The following LRP1B variants were observed in gnomAD, a reference collection of about 807,000 sequenced individuals.
LRP1B encodes LDL receptor related protein 1B, also known as low-density lipoprotein receptor-related protein 1B.
LRP1B carries 217 observed loss-of-function variants against 556.6 expected under a neutral mutation model. The observed-to-expected ratio is 0.39, with a 90% CI of 0.35 to 0.44. The LOEUF is 0.44. LRP1B is among the 20% of genes least tolerant of loss of function. The pLI is 1.00. For synonymous variants in LRP1B, 2,047 were observed against 1,865.8 expected (o/e 1.10, Z -2.50); for missense variants, 5,053 against 5,620.8 (o/e 0.90, Z 3.23).
chr2:142,069,311 TCTC>T (rs1419705643), intron 1 of LRP1B, among the ~76,000 whole-genome samples: 1 of 151,638 alleles, frequency 6.6e-6, no homozygotes, highest in Non-Finnish European at 1.5e-5. Flanking sequence ...ATAGGGTAGC[TCTC>T]CTAATATTAG....
At chr2:140,329,970 C>T (rs1010426058) in intron 79 of LRP1B, among the ~76,000 whole-genome samples, 8 of 151,728 alleles carry the variant, frequency 5.3e-5, no homozygotes, top group East Asian at 1.9e-4. Context: ...GAGGCTGAGG[C>T]GGGTTGATCG....
At chr2:141,290,618 C>A (rs1428621568) in intron 3 of LRP1B, among the ~76,000 whole-genome samples, 1 of 152,060 alleles carries the variant, frequency 6.6e-6, no homozygotes, top group South Asian at 2.1e-4. Context: ...TTCCTAATAC[C>A]TGACTTAATT....
intron 7 of LRP1B, among the ~76,000 whole-genome samples, chr2:141,091,785 C>T (rs1700177760): frequency 6.6e-6 from 1 of 152,156 alleles, no homozygotes; most frequent in South Asian, 2.1e-4. Context: ...AAATGTCAGA[C>T]AATAAACAAT....
intron 2 of LRP1B, among the ~76,000 whole-genome samples, chr2:141,803,847 T>C (rs1490978356): frequency 6.6e-6 from 1 of 152,182 alleles, no homozygotes; most frequent in African/African-American, 2.4e-5. Flanking sequence ...TTCTATCTTA[T>C]ATCCAAGGGG....
intron 23 of LRP1B, among the ~76,000 whole-genome samples, chr2:140,892,521 A>G (rs1693827519): frequency 6.6e-6 from 1 of 152,162 alleles, no homozygotes; most frequent in Non-Finnish European, 1.5e-5. Context: ...TAGGGAGAAA[A>G]TGACAGAGTG....
rs1318542992 is a variant in LRP1B, at chr2:140,358,838, T to C, written c.11240A>G (p.Asp3747Gly). 6.2e-7 allele frequency: 1 copy of C among 1,608,608 alleles called. No individual in the cohort carries two copies. The highest frequency in any genetic ancestry group is 1.1e-5 in the South Asian group (1 of 90,924). Residue 3747 changes from aspartate to glycine, a missense_variant, in exon 73 of 91, where the codon GAT becomes GGT. By Grantham distance (94) the Asp-to-Gly change is moderately conservative. Coordinates refer to ENST00000389484, the MANE Select transcript of LRP1B (RefSeq NM_018557.3). The stretch of plus-strand genomic sequence containing the variant: ...GCATTTACCACCACAGTGATCTTCA[T>C]CTGAATTGTCACCGCATTCATCAAT... ...NGIDECGDNS[D>G]EDHCGGKLTY... is the part of the protein sequence containing the mutation.
At chr2:141,383,595 A>G (rs1295856407) in intron 3 of LRP1B, among the ~76,000 whole-genome samples, 1 of 152,206 alleles carries the variant, frequency 6.6e-6, no homozygotes, top group African/African-American at 2.4e-5. Context: ...ATGCCTCAGT[A>G]TACCCAAAAC....
At chr2:140,358,558 G>A (rs568330098) in intron 73 of LRP1B, among the ~76,000 whole-genome samples, 7 of 151,646 alleles carry the variant, frequency 4.6e-5, no homozygotes, top group Non-Finnish European at 1.0e-4. Context: ...TAAACAAGGA[G>A]CATTTAAAAA....
At chr2:141,308,027 G>A (rs1225870774) in intron 3 of LRP1B, among the ~76,000 whole-genome samples, 1 of 152,128 alleles carries the variant, frequency 6.6e-6, no homozygotes, top group Non-Finnish European at 1.5e-5. Context: ...GCAGCAGGTT[G>A]GATGTGCTAC....
chr2:141,022,665 C>T (rs941450009), intron 11 of LRP1B, among the ~76,000 whole-genome samples: 2 of 151,992 alleles, frequency 1.3e-5, no homozygotes, highest in Non-Finnish European at 2.9e-5. Flanking sequence ...TTAAACAGAT[C>T]AGGGACACAT....
intron 45 of LRP1B, among the ~76,000 whole-genome samples, chr2:140,537,510 T>C (rs16844186): frequency 0.031 from 4,768 of 152,072 alleles, 90 homozygotes; most frequent in African/African-American, 0.054. Flanking sequence ...TTAAAATAAG[T>C]CACTTGTCCC....
intron 1 of LRP1B, among the ~76,000 whole-genome samples, chr2:141,947,393 C>T (rs1049714635): frequency 1.6e-4 from 24 of 151,734 alleles, no homozygotes; most frequent in Non-Finnish European, 2.9e-4. Context: ...GCAGAGATCA[C>T]GCCACTGCAC....
chr2:140,872,857 A>C (rs537233126), intron 25 of LRP1B, among the ~76,000 whole-genome samples: 21 of 152,226 alleles, frequency 1.4e-4, no homozygotes, highest in Middle Eastern at 3.4e-3. Flanking sequence ...ACAAGAAAAA[A>C]AAAAGGTCTT....
At chr2:141,536,131 G>A (rs1035204877) in intron 2 of LRP1B, among the ~76,000 whole-genome samples, 4 of 151,894 alleles carry the variant, frequency 2.6e-5, no homozygotes, top group African/African-American at 7.2e-5. Flanking sequence ...ATCCAAAAGC[G>A]CAACACTTTA....
chr2:140,695,607 A>T (rs1686403324), intron 41 of LRP1B, among the ~76,000 whole-genome samples: 1 of 152,104 alleles, frequency 6.6e-6, no homozygotes, highest in Non-Finnish European at 1.5e-5. Flanking sequence ...GCTTTTTGAG[A>T]TTAGCTATCT....
intron 35 of LRP1B, among the ~76,000 whole-genome samples, chr2:140,734,232 T>C (rs1687872880): frequency 6.6e-6 from 1 of 152,124 alleles, no homozygotes; most frequent in East Asian, 1.9e-4. Flanking sequence ...GAAATGCACA[T>C]GAATAACTAT....
chr2:140,534,177 A>T, intron 46 of LRP1B, 37 bp from the exon 47 acceptor site: 1 of 1,563,370 alleles, frequency 6.4e-7, no homozygotes, highest in Non-Finnish European at 8.7e-7. Flanking sequence ...ACCAGAGATC[A>T]TATAGAAATA....
At chr2:141,084,155 TTTA>T (rs1699990971) in intron 7 of LRP1B, among the ~76,000 whole-genome samples, 1 of 152,324 alleles carries the variant, frequency 6.6e-6, no homozygotes, top group Admixed American at 6.5e-5. Flanking sequence ...AAAAAATGTT[TTTA>T]TTATTATTAA....
At chr2:141,647,928 T>A (rs1574191414) in intron 2 of LRP1B, among the ~76,000 whole-genome samples, 1 of 151,684 alleles carries the variant, frequency 6.6e-6, no homozygotes. Context: ...AACCAAAAAA[T>A]AAGAAAAAAA....
Sources: gnomAD v4.1 joint callset for allele counts (sites outside exome capture counted in the v4.1 genomes callset) on GRCh38, gnomAD v4.1.1 for gene constraint, MANE v1.5 for transcripts, NCBI Gene and HGNC (gene_info 2026-07-23, HGNC 2026-07-21) for gene names.